AOPEP: variants seen among roughly 807,000 people sequenced by gnomAD.
AOPEP encodes the protein aminopeptidase O (putative).
AOPEP carries 77 observed loss-of-function variants against 98.1 expected under a neutral mutation model. That is an observed-to-expected ratio of 0.78 (90% CI 0.65 to 0.95). The LOEUF is 0.95. Among genes scored for constraint, AOPEP ranks in the 40% least tolerant of loss-of-function variants. AOPEP has a pLI of 0.00. For missense variants in AOPEP, 1,024 were observed against 1,024.7 expected, an observed-to-expected ratio of 1.00 and a Z score of 0.01; for synonymous variants, 346 against 365.3, an observed-to-expected ratio of 0.95 and a Z score of 0.60.
At chr9:94,966,460 G>GACTCTTGTCTGTC (rs1164867329) in intron 9 of AOPEP, among the ~76,000 whole-genome samples, 2 of 152,200 alleles carry the variant, frequency 1.3e-5, no homozygotes, top group African/African-American at 4.8e-5. Context: ...AGTCTGGAGT[G>GACTCTTGTCTGTC]ACTCTTGTCT....
chr9:94,898,305 A>G (rs911815508), intron 5 of AOPEP, among the ~76,000 whole-genome samples: 1 of 152,170 alleles, frequency 6.6e-6, no homozygotes, highest in African/African-American at 2.4e-5. Context: ...CATTCAGTGG[A>G]ATTCTATGCA....
the AOPEP span, among the ~76,000 whole-genome samples, chr9:95,103,193 T>C: frequency 6.6e-6 from 1 of 151,994 alleles, no homozygotes; most frequent in Non-Finnish European, 1.5e-5. Context: ...GGCTTGGCCA[T>C]GTCTGAAGAA....
At chr9:95,045,322 G>C (rs888647801) in intron 13 of AOPEP, among the ~76,000 whole-genome samples, 1 of 152,222 alleles carries the variant, frequency 6.6e-6, no homozygotes, top group Non-Finnish European at 1.5e-5. Flanking sequence ...GCCTTGGGGC[G>C]GCTGCAGGCT....
rs138016394 is a variant in AOPEP at position 94,989,739 on chromosome 9, G to C, written c.1977+10312G>C. ...AGATTCTCCTGCCTCAGCCTCCTGAGTAGCTGGGATTACAGACACTAGCCA... is the reference window on the plus strand; with the variant it reads ...AGATTCTCCTGCCTCAGCCTCCTGACTAGCTGGGATTACAGACACTAGCCA... On this transcript the variant is annotated intron_variant, in intron 11 of 16. Transcript: ENST00000375315. 2.8e-3 allele frequency among the ~76,000 whole-genome samples: 423 copies of C among 151,494 alleles called. 6 individuals are homozygous for C. Among genetic ancestry groups the C allele is most frequent in the African/African-American group, 9.7e-3 (398 of 41,228 alleles).
At chr9:94,728,239 G>GCACA (rs78505500) in intron 1 of AOPEP, among the ~76,000 whole-genome samples, 7,857 of 146,526 alleles carry the variant, frequency 0.054, 243 homozygotes, top group East Asian at 0.11. Flanking sequence ...GTGCGCGCAT[G>GCACA]CACACACACA....
chr9:94,891,351 A>G (rs1003003202), intron 5 of AOPEP, among the ~76,000 whole-genome samples: 4 of 152,126 alleles, frequency 2.6e-5, no homozygotes, highest in African/African-American at 9.7e-5. Flanking sequence ...TTTCTTCTAT[A>G]GTTGGGTTGG....
At chr9:95,008,602 G>T (rs955724524) in intron 13 of AOPEP, among the ~76,000 whole-genome samples, 2 of 152,192 alleles carry the variant, frequency 1.3e-5, no homozygotes, top group South Asian at 2.1e-4. Context: ...CCTGTGCTCA[G>T]CTGTGGGTTA....
chr9:94,952,279 T>C (rs982171069), intron 7 of AOPEP, among the ~76,000 whole-genome samples: 5 of 152,214 alleles, frequency 3.3e-5, no homozygotes, highest in African/African-American at 1.2e-4. Flanking sequence ...AGTTTTTAAA[T>C]GAAACATAAC....
At chr9:94,886,397 C>G (rs2048245304) in intron 5 of AOPEP, among the ~76,000 whole-genome samples, 3 of 152,044 alleles carry the variant, frequency 2.0e-5, no homozygotes, top group South Asian at 2.1e-4. Context: ...TTAAAAAATC[C>G]TTTTTATTCA....
intron 7 of AOPEP, among the ~76,000 whole-genome samples, chr9:94,934,334 T>TTTTTTTTTG (rs1156808051): frequency 1.4e-5 from 2 of 147,938 alleles, no homozygotes; most frequent in East Asian, 2.0e-4. Flanking sequence ...TTTTTTTTTT[T>TTTTTTTTTG]GAGACAGAGT....
At chr9:94,800,150 A>G (rs1847897418) in intron 4 of AOPEP, among the ~76,000 whole-genome samples, 1 of 152,206 alleles carries the variant, frequency 6.6e-6, no homozygotes, top group African/African-American at 2.4e-5. Context: ...TACTGTATCA[A>G]AAGTGCCTCT....
At chr9:94,988,912 CTT>C (rs368515133) in intron 11 of AOPEP, among the ~76,000 whole-genome samples, 34 of 138,688 alleles carry the variant, frequency 2.5e-4, no homozygotes, top group Admixed American at 3.6e-4. Context: ...CTTTTCCTTT[CTT>C]TTTTTTTTTT....
intron 1 of AOPEP, among the ~76,000 whole-genome samples, chr9:94,728,239 G>GCGCGCGCGCGCGCGCGCACACACACA (rs113657409): frequency 2.0e-5 from 3 of 146,512 alleles, no homozygotes; most frequent in South Asian, 2.2e-4. Flanking sequence ...GTGCGCGCAT[G>GCGCGCGCGCGCGCGCGCACACACACA]CACACACACA....
At chr9:95,110,860 T>C in the AOPEP span, 4 of 1,188,674 alleles carry the variant, frequency 3.4e-6, no homozygotes, top group Non-Finnish European at 4.2e-6. Context: ...AAATAACAAC[T>C]GTCTTTGCCA....
At chr9:94,870,639 C>T (rs2046239304) in intron 5 of AOPEP, among the ~76,000 whole-genome samples, 1 of 152,184 alleles carries the variant, frequency 6.6e-6, no homozygotes, top group African/African-American at 2.4e-5. Flanking sequence ...GTGAGCCAGC[C>T]TTGTCTCAGG....
intron 7 of AOPEP, chr9:94,932,311 G>C: frequency 1.0e-6 from 1 of 980,748 alleles, no homozygotes; most frequent in Non-Finnish European, 1.2e-6. Context: ...CATTCTCTTG[G>C]TTATAGATAC....
chr9:94,744,870 A>G (rs1397892194), intron 1 of AOPEP, among the ~76,000 whole-genome samples: 1 of 152,132 alleles, frequency 6.6e-6, no homozygotes, highest in East Asian at 1.9e-4. Context: ...AAATGCTTCA[A>G]AACTTCCACC....
At chr9:94,993,671 C>T (rs1041638673) in intron 11 of AOPEP, among the ~76,000 whole-genome samples, 17 of 152,080 alleles carry the variant, frequency 1.1e-4, no homozygotes, top group African/African-American at 3.6e-4. Flanking sequence ...AGTTTCAAAC[C>T]GCACTGAGAG....
intron 7 of AOPEP, among the ~76,000 whole-genome samples, chr9:94,935,880 A>G (rs2056194495): frequency 6.6e-6 from 1 of 152,136 alleles, no homozygotes; most frequent in African/African-American, 2.4e-5. Context: ...ACCCTGCTTC[A>G]TCTGCTCCCC....
Sources: gnomAD v4.1 joint callset for allele counts (sites outside exome capture counted in the v4.1 genomes callset) on GRCh38, gnomAD v4.1.1 for gene constraint, MANE v1.5 for transcripts, NCBI Gene and HGNC (gene_info 2026-07-23, HGNC 2026-07-21) for gene names.